Variants in EIF2B2 observed in about 807,000 individuals in gnomAD.
EIF2B2 encodes eukaryotic translation initiation factor 2B subunit beta, also known as translation initiation factor eIF2B subunit beta.
EIF2B2 carries 34 observed loss-of-function variants against 34.7 expected under a neutral mutation model. The observed-to-expected ratio is 0.98, with a 90% CI of 0.75 to 1.31. The LOEUF (loss-of-function observed/expected upper bound fraction) is 1.31, where lower values mean the gene tolerates loss of function less well. Among genes scored for constraint, EIF2B2 ranks in the 50% most tolerant of loss-of-function variants. The pLI is 0.00. For missense variants in EIF2B2, 361 were observed against 447.7 expected (o/e 0.81, Z 1.75); for synonymous variants, 155 against 171.6 (o/e 0.90, Z 0.76).
chr14:75,007,300 G>C (rs893220647), intron 6 of EIF2B2: 3 of 358,168 alleles, frequency 8.4e-6, no homozygotes, highest in African/African-American at 2.1e-5. Flanking sequence ...CTCCACTGTA[G>C]AAAAACACCC....
In EIF2B2 at chr14:75,010,190, G is replaced by C. The variant is rs979017603; in HGVS notation, c.*1002G>C. ...GTTTCATCTCAGTCCTACTGCATCT[G>C]ATCTCAGGGTTACTACCTGGGAATC... On this transcript the variant is annotated 3_prime_UTR_variant, in exon 8 of 8. Coordinates refer to ENST00000266126, the MANE Select transcript of EIF2B2 (RefSeq NM_014239.4). 2 of 152,156 alleles carry C rather than the reference G, an allele frequency of 1.3e-5. No homozygotes were observed. Among genetic ancestry groups the C allele is most frequent in the African/African-American group, 4.8e-5 (2 of 41,420 alleles). 9.4% of individuals were successfully genotyped at this position (152,156 alleles called of 1,614,324 possible). A position where few individuals can be genotyped will look rare whatever the true frequency, so the allele number is the denominator to read the frequency against.
In EIF2B2 at chr14:75,003,010, A is replaced by G; in HGVS notation, c.20A>G (p.Lys7Arg). 1 of 1,614,094 alleles carries G rather than the reference A, an allele frequency of 6.2e-7. No individual in the cohort carries two copies. Among genetic ancestry groups the G allele is most frequent in the Non-Finnish European group, 8.5e-7 (1 of 1,180,006 alleles). ...TTAAAGATGCCGGGATCCGCAGCGAAGGGCTCGGAGTTGTCAGAGAGGATC... is the reference window on the plus strand; with the variant it reads ...TTAAAGATGCCGGGATCCGCAGCGAGGGGCTCGGAGTTGTCAGAGAGGATC... MPGSAA[K>R]GSELSERIES... Residue 7 changes from lysine (K) to arginine (R), a missense_variant, in exon 1 of 8, where the codon AAG becomes AGG. By Grantham distance (26) the Lys-to-Arg change is conservative (BLOSUM62 2). Transcript: ENST00000266126.
chr14:75,005,434 T>C (rs1889613638), intron 4 of EIF2B2, among the ~76,000 whole-genome samples: 1 of 152,070 alleles, frequency 6.6e-6, no homozygotes, highest in Non-Finnish European at 1.5e-5. Flanking sequence ...CTTGATTCTT[T>C]TAGGAATCAA....
rs1290880437 is a variant in EIF2B2 at position 75,005,891 on chromosome 14, C to T, written c.623C>T (p.Ser208Phe). 1 of 1,613,550 alleles carries T rather than the reference C, an allele frequency of 6.2e-7. No individual in the cohort carries two copies. The change falls in exon 5 of 8, where the codon TCC becomes TTC. Residue 208 changes from serine to phenylalanine, a missense_variant. Physicochemically the swap from Ser to Phe is radical, Grantham distance 155. Coordinates refer to ENST00000266126, the MANE Select transcript of EIF2B2 (RefSeq NM_014239.4). ...CQGHEMAVNL[S>F]KAGIETTVMT... ...GGTCATGAAATGGCTGTGAATTTGT[C>T]CAAAGCAGGTATTGAGACAACTGTC...
intron 4 of EIF2B2, 197 bp downstream of exon 4, chr14:75,005,097 GC>G (rs1555385427): frequency 1.6e-6 from 1 of 633,232 alleles, no homozygotes; most frequent in Non-Finnish European, 2.7e-6. Context: ...GAAAGTTGGG[GC>G]CGGGAGCGAT....
intron 3 of EIF2B2, among the ~76,000 whole-genome samples, chr14:75,003,970 A>G (rs951212174): frequency 6.6e-6 from 1 of 152,218 alleles, no homozygotes; most frequent in African/African-American, 2.4e-5. Flanking sequence ...CATTGTAAAG[A>G]AACAAAATGA....
At position 75,006,349 on chromosome 14, in the gene EIF2B2, T is replaced by C. The variant is rs1889626001; in HGVS notation, c.694-228T>C. On this transcript the variant is annotated intron_variant, in intron 5 of 7. Transcript: ENST00000266126. This position sits in a 1 kb window ranked among gnomAD's most constrained non-coding sequence, Gnocchi z 4.1. Reference sequence around the variant, plus strand: ...TCTCAATTTCCAGAAAATATGGGACTGAGAGCAGTAGGTTTTGCAGTTTCT... The same window carrying C: ...TCTCAATTTCCAGAAAATATGGGACCGAGAGCAGTAGGTTTTGCAGTTTCT... The C allele has an allele frequency of 3.2e-6, 2 of 623,662 alleles. No homozygotes were observed. Among genetic ancestry groups the C allele is most frequent in the Admixed American group, 5.9e-5 (2 of 33,846 alleles). 38.6% of individuals were successfully genotyped at this position (623,662 alleles called of 1,614,324 possible).
At position 75,003,113 on chromosome 14, in the gene EIF2B2, G is replaced by A. The variant is rs1889563691; in HGVS notation, c.123G>A (p.Leu41=). The change falls in exon 1 of 8, where the codon TTG becomes TTA. Residue 41 remains leucine, a synonymous_variant. Transcript: ENST00000266126. ...SEEMARETLG[L]LRQIITDHRW... ...AAATGGCTCGGGAGACCCTAGGGTT[G>A]CTGCGCCAGATCATCACGGACCACC... 6.2e-7 allele frequency: 1 copy of A among 1,613,714 alleles called. No homozygotes were observed. The highest frequency in any genetic ancestry group is 1.7e-5 in the Admixed American group (1 of 60,032).
Position 75,006,418 on chromosome 14 carries a change from A to G in EIF2B2, c.694-159A>G, listed in dbSNP as rs900398560. ...TTCTTTCCTTGGAAACCTACTTTTA[A>G]GCTAGAACTTGTATTGAGCCAGGGA... On this transcript the variant is annotated intron_variant, in intron 5 of 7. Coordinates refer to ENST00000266126, the MANE Select transcript of EIF2B2 (RefSeq NM_014239.4). The surrounding 1 kb of genome is among the most constrained non-coding windows in gnomAD (Gnocchi z 4.1). 2.3e-5 allele frequency: 24 copies of G among 1,023,260 alleles called. No individual in the cohort carries two copies. The African/African-American group carries it at 3.9e-4, about 16-fold the overall frequency. 63.4% of individuals were successfully genotyped at this position (1,023,260 alleles called of 1,614,324 possible).
rs1487395523 is a variant in EIF2B2, at chr14:75,011,354, G to C, written c.*2166G>C. On this transcript the variant is annotated 3_prime_UTR_variant, in exon 8 of 8. Transcript: ENST00000266126. ...CCTAAAAAGTCTCCCAGGTGATCCAGATTTTCTGCCATGTTTAGGAACTAG... is the reference window on the plus strand; with the variant it reads ...CCTAAAAAGTCTCCCAGGTGATCCACATTTTCTGCCATGTTTAGGAACTAG... 1 of 152,220 alleles carries C rather than the reference G, an allele frequency of 6.6e-6. No individual in the cohort carries two copies. Among genetic ancestry groups the C allele is most frequent in the Non-Finnish European group, 1.5e-5 (1 of 68,042 alleles). The allele number at this position is 152,220 out of a possible 1,614,324, so 9.4% of individuals were successfully genotyped here.
chr14:75,007,610 A>G (rs188838807), intron 6 of EIF2B2, 112 bp from the exon 7 acceptor site: 586 of 878,826 alleles, frequency 6.7e-4, no homozygotes, highest in Non-Finnish European at 9.6e-4. Context: ...TAATGCTGCT[A>G]TAAGCATCTG....
chr14:75,004,687 ATATT>A, intron 3 of EIF2B2, 46 bp from the exon 4 acceptor site: 2 of 107,438 alleles, frequency 1.9e-5, no homozygotes, highest in Non-Finnish European at 2.5e-5. Context: ...ATATATATAT[ATATT>A]TTTTTTTTTT....
At position 75,006,784 on chromosome 14, in the gene EIF2B2, G is replaced by A. The variant is rs886309450; in HGVS notation, c.831+70G>A. ...AGCCAAAGGGTAGGCTTGAACTCTGGGACTTCAACCACCTCACTCCAGGGC... is the reference window on the plus strand; with the variant it reads ...AGCCAAAGGGTAGGCTTGAACTCTGAGACTTCAACCACCTCACTCCAGGGC... On this transcript the variant is annotated intron_variant, in intron 6 of 7. Coordinates refer to ENST00000266126, the MANE Select transcript of EIF2B2 (RefSeq NM_014239.4). The surrounding 1 kb of genome is among the most constrained non-coding windows in gnomAD (Gnocchi z 4.1). 9 of 1,601,024 alleles carry A rather than the reference G, an allele frequency of 5.6e-6. No individual in the cohort carries two copies. The African/African-American group carries it at 1.2e-4, about 21-fold the overall frequency.
intron 1 of EIF2B2, 23 bp downstream of exon 1, chr14:75,003,176 G>A (rs753750841): frequency 4.0e-5 from 65 of 1,613,112 alleles, no homozygotes; most frequent in Non-Finnish European, 5.3e-5. Flanking sequence ...TGCCTCCGCC[G>A]GCGAACCTGG....
In EIF2B2 at chr14:75,009,476, G is replaced by A. The variant is rs1428892145; in HGVS notation, c.*288G>A. ...CTGTGTCAGGAACTTAAACTTTCTG[G>A]TTCAGTAGTGTGTTAAACATAACAC... On this transcript the variant is annotated 3_prime_UTR_variant, in exon 8 of 8. Transcript: ENST00000266126. 4 of 431,658 alleles carry A rather than the reference G, an allele frequency of 9.3e-6. No homozygotes were observed. Among genetic ancestry groups the A allele is most frequent in the Non-Finnish European group, 1.7e-5 (4 of 230,130 alleles). 26.7% of individuals were successfully genotyped at this position (431,658 alleles called of 1,614,324 possible). A position where few individuals can be genotyped will look rare whatever the true frequency, so the allele number is the denominator to read the frequency against.
At position 75,006,618 on chromosome 14, in the gene EIF2B2, G is replaced by A. The variant is rs748930802; in HGVS notation, c.735G>A (p.Leu245=). The change falls in exon 6 of 8, where the codon CTG becomes CTA. Residue 245 remains leucine (L), a synonymous_variant. Coordinates refer to ENST00000266126, the MANE Select transcript of EIF2B2 (RefSeq NM_014239.4). The surrounding 1 kb of genome is among the most constrained non-coding windows in gnomAD (Gnocchi z 4.1). Reference sequence around the variant, plus strand: ...AGACCATCCTGGCCAATGGGGCCCTGAGAGCTGTGACAGGAACTCACACTC... The same window carrying A: ...AGACCATCCTGGCCAATGGGGCCCTAAGAGCTGTGACAGGAACTCACACTC... ...GTKTILANGA[L]RAVTGTHTLA... 9.3e-6 allele frequency: 15 copies of A among 1,614,064 alleles called. No homozygotes were observed. The highest frequency in any genetic ancestry group is 2.7e-5 in the African/African-American group (2 of 74,926).
At position 75,003,233 on chromosome 14, in the gene EIF2B2, C is replaced by T. The variant is rs1345446621; in HGVS notation, c.164-42C>T. On this transcript the variant is annotated intron_variant, in intron 1 of 7. Coordinates refer to ENST00000266126, the MANE Select transcript of EIF2B2 (RefSeq NM_014239.4). ...AGGGCTGAAAATTTCCCAGGCCTCA[C>T]TTCGCGTTGGCTCCTCTTATCCTCT... The T allele has an allele frequency of 3.7e-6, 6 of 1,613,354 alleles. No homozygotes were observed. In the Admixed American group the frequency reaches 6.7e-5, roughly 18 times the overall value.
In EIF2B2 at chr14:75,010,850, CACA is replaced by C. The variant is rs1166988962; in HGVS notation, c.*1667_*1669del. ...TTAAAAACAAGCTGGGGAAAAAAAA[CACA>C]ACAAGCTGCAGAGCAATATGCATAA... On this transcript the variant is annotated 3_prime_UTR_variant, in exon 8 of 8. Coordinates refer to ENST00000266126, the MANE Select transcript of EIF2B2 (RefSeq NM_014239.4). 1.3e-5 allele frequency: 2 copies of C among 152,066 alleles called. No homozygotes were observed. The highest frequency in any genetic ancestry group is 4.8e-5 in the African/African-American group (2 of 41,400). 9.4% of individuals were successfully genotyped at this position (152,066 alleles called of 1,614,324 possible).
chr14:75,006,832 A>C lies in EIF2B2; in HGVS notation c.831+118A>C. ...GGCCTCCATTTATCTGCATTTACTC[A>C]ATGGATTACACCCAGTGGAGGCTGG... On this transcript the variant is annotated intron_variant, in intron 6 of 7. Transcript: ENST00000266126. The surrounding 1 kb of genome is among the most constrained non-coding windows in gnomAD (Gnocchi z 4.1). 7.1e-7 allele frequency: 1 copy of C among 1,411,238 alleles called. No individual in the cohort carries two copies. Among genetic ancestry groups the C allele is most frequent in the Non-Finnish European group, 9.9e-7 (1 of 1,007,406 alleles). The allele number at this position is 1,411,238 out of a possible 1,614,324, so 87.4% of individuals were successfully genotyped here. A position where few individuals can be genotyped will look rare whatever the true frequency, so the allele number is the denominator to read the frequency against.
Sources: allele counts gnomAD v4.1 joint callset (sites outside exome capture counted in the v4.1 genomes callset), GRCh38; gene constraint gnomAD v4.1.1; non-coding constraint Gnocchi (gnomAD v3.1); transcripts MANE v1.5; gene names NCBI Gene and HGNC (gene_info 2026-07-23, HGNC 2026-07-21).